Variants in SNRPE observed in about 807,000 individuals in gnomAD.
SNRPE encodes the protein small nuclear ribonucleoprotein polypeptide E, also known as small nuclear ribonucleoprotein E.
For missense variants in SNRPE, 53 were observed against 111.6 expected, an observed-to-expected ratio of 0.48 and a Z score of 2.36; for synonymous variants, 35 against 36.7, an observed-to-expected ratio of 0.95 and a Z score of 0.17.
chr1:203,865,276 C>A (rs1235050642), intron 4 of SNRPE, among the ~76,000 whole-genome samples, 157 bp downstream of exon 4: 1 of 152,194 alleles, frequency 6.6e-6, no homozygotes, highest in Non-Finnish European at 1.5e-5. Context: ...CTACTACTCA[C>A]TCCTCACCAC....
rs973456553 is a variant in SNRPE, at chr1:203,870,842, A to G, written c.*910A>G. ...GGTAAGCAGGTGGTTTTAATGCCTC[A>G]TTCTAAGTGCTATTTAAATTGGATC... On this transcript the variant is annotated 3_prime_UTR_variant, in exon 5 of 5. Transcript: ENST00000414487. Among the ~76,000 whole-genome samples the G allele has an allele frequency of 6.6e-6, 1 of 152,248 alleles. No individual in the cohort carries two copies. Among genetic ancestry groups the G allele is most frequent in the African/African-American group, 2.4e-5 (1 of 41,466 alleles).
chr1:203,865,825 C>T (rs1212612713), intron 4 of SNRPE, among the ~76,000 whole-genome samples: 1 of 152,172 alleles, frequency 6.6e-6, no homozygotes, highest in African/African-American at 2.4e-5. Context: ...CTCGGGGAAA[C>T]ACTTGTATTT....
chr1:203,869,859 GT>G lies in SNRPE; in HGVS notation c.224-16del, dbSNP rs774808985. ...AGTGTGTGGCTATTAATAGCTTTTT[GT>G]TGTTTTTGTGTTGCAGGTCGGATCA... On this transcript the variant is annotated splice_polypyrimidine_tract_variant and intron_variant, in intron 4 of 4. Transcript: ENST00000414487. 6.3e-7 allele frequency: 1 copy of G among 1,589,624 alleles called. No individual in the cohort carries two copies. The highest frequency in any genetic ancestry group is 1.3e-5 in the African/African-American group (1 of 74,148).
chr1:203,869,443 A>T (rs1342108483), intron 4 of SNRPE, among the ~76,000 whole-genome samples: 3 of 151,776 alleles, frequency 2.0e-5, no homozygotes, highest in African/African-American at 7.3e-5. Flanking sequence ...AGTAGCTGGG[A>T]TTACAGGCAC....
intron 1 of SNRPE, 164 bp from the exon 2 acceptor site, chr1:203,862,032 T>C: frequency 1.5e-6 from 1 of 647,074 alleles, no homozygotes; most frequent in South Asian, 1.8e-5. Context: ...TCTTTAGTCT[T>C]TAGAAGACCC....
At chr1:203,863,532 G>C (rs6679953) in intron 2 of SNRPE, 131 bp from the exon 3 acceptor site, 1 of 661,242 alleles carries the variant, frequency 1.5e-6, no homozygotes, top group Non-Finnish European at 2.7e-6. Flanking sequence ...TGTTAACGAG[G>C]ATGGTCTCTA....
At chr1:203,863,553 TTG>T in intron 2 of SNRPE, 108 bp from the exon 3 acceptor site, 1 of 742,606 alleles carries the variant, frequency 1.3e-6, no homozygotes. Flanking sequence ...TCTCTTGACC[TTG>T]TGATCCACCT....
chr1:203,864,670 A>G (rs1184546556), intron 3 of SNRPE, among the ~76,000 whole-genome samples: 1 of 152,248 alleles, frequency 6.6e-6, no homozygotes, highest in South Asian at 2.1e-4. Context: ...TTAGCTCCAG[A>G]GTTCGAGACC....
chr1:203,869,170 C>T (rs1196012017), intron 4 of SNRPE, among the ~76,000 whole-genome samples: 3 of 152,034 alleles, frequency 2.0e-5, no homozygotes, highest in South Asian at 2.1e-4. Context: ...TGTCTCAAAC[C>T]GTTCTACCAG....
intron 4 of SNRPE, among the ~76,000 whole-genome samples, chr1:203,867,119 A>AC (rs1553274836): frequency 8.2e-5 from 12 of 146,596 alleles, no homozygotes; most frequent in Admixed American, 2.0e-4. Context: ...AAAAAAAAAA[A>AC]AAAAAAAAAA....
chr1:203,862,420 A>G (rs892595346), intron 2 of SNRPE, among the ~76,000 whole-genome samples, 198 bp downstream of exon 2: 2 of 152,234 alleles, frequency 1.3e-5, no homozygotes, highest in African/African-American at 4.8e-5. Flanking sequence ...ACTTCCCAAC[A>G]TGCAAAGAAT....
chr1:203,864,896 A>C, intron 3 of SNRPE, 145 bp from the exon 4 acceptor site: 1 of 426,274 alleles, frequency 2.3e-6, no homozygotes, highest in Non-Finnish European at 3.4e-6. Context: ...AAAAAAAAAA[A>C]AAAAACTTTG....
chr1:203,867,106 T>TG (rs1315823202), intron 4 of SNRPE, among the ~76,000 whole-genome samples: 6 of 46,612 alleles, frequency 1.3e-4, no homozygotes, highest in African/African-American at 4.7e-4. Flanking sequence ...CTGTCTTTCC[T>TG]GAAAAAAAAA....
At chr1:203,867,288 A>C (rs1400640280) in intron 4 of SNRPE, among the ~76,000 whole-genome samples, 1 of 151,552 alleles carries the variant, frequency 6.6e-6, no homozygotes, top group African/African-American at 2.4e-5. Flanking sequence ...TCAAAAAAAA[A>C]AAAAAAAACA....
intron 4 of SNRPE, among the ~76,000 whole-genome samples, chr1:203,866,570 T>C (rs184827968): frequency 1.3e-5 from 2 of 152,296 alleles, no homozygotes; most frequent in African/African-American, 4.8e-5. Context: ...ACTCACACTG[T>C]TTAGAGCTAT....
intron 4 of SNRPE, 134 bp downstream of exon 4, chr1:203,865,253 T>G: frequency 1.3e-6 from 1 of 786,576 alleles, no homozygotes; most frequent in South Asian, 1.7e-5. Context: ...TAGTACACTT[T>G]TGAAATCATC....
At chr1:203,867,100 CT>C (rs1690103082) in intron 4 of SNRPE, among the ~76,000 whole-genome samples, 1 of 109,966 alleles carries the variant, frequency 9.1e-6, no homozygotes, top group Non-Finnish European at 1.8e-5. Context: ...GAAACCCTGT[CT>C]TTCCTGAAAA....
At chr1:203,868,607 G>A (rs772498977) in intron 4 of SNRPE, among the ~76,000 whole-genome samples, 54 of 152,098 alleles carry the variant, frequency 3.6e-4, no homozygotes, top group East Asian at 1.2e-3. Context: ...ATGGTGTTTC[G>A]CTGGCTGCTT....
rs535337444 is a variant in SNRPE at position 203,861,640 on chromosome 1, G to T, written c.-20G>T. Reference sequence around the variant, plus strand: ...GCTCTCAGAGGCAGCGTGCGGGTGTGCTCTTTGTGAAATTCCACCATGGCG... The same window carrying T: ...GCTCTCAGAGGCAGCGTGCGGGTGTTCTCTTTGTGAAATTCCACCATGGCG... On this transcript the variant is annotated 5_prime_UTR_variant, in exon 1 of 5. Coordinates refer to ENST00000414487, the MANE Select transcript of SNRPE (RefSeq NM_003094.4). 69 of 1,606,584 alleles carry T rather than the reference G, an allele frequency of 4.3e-5. 1 individual carries two copies. The highest frequency in any genetic ancestry group is 8.3e-5 in the Admixed American group (5 of 60,014).
Sources: allele counts gnomAD v4.1 joint callset (sites outside exome capture counted in the v4.1 genomes callset), GRCh38; gene constraint gnomAD v4.1.1; transcripts MANE v1.5; gene names NCBI Gene and HGNC (gene_info 2026-07-23, HGNC 2026-07-21).